Variants in WARS2 observed in about 807,000 individuals in gnomAD.
WARS2 encodes tryptophanyl tRNA synthetase 2, mitochondrial.
A neutral mutation model predicts 36.5 loss-of-function variants in WARS2; 28 were observed. The observed-to-expected ratio is 0.77, with a 90% CI of 0.57 to 1.05. The LOEUF (loss-of-function observed/expected upper bound fraction) is 1.05, where lower values mean the gene tolerates loss of function less well. WARS2 is among the 50% of genes least tolerant of loss of function. The pLI is 0.00. For synonymous variants in WARS2, 174 were observed against 178.4 expected (o/e 0.98, Z 0.20); for missense variants, 435 against 456.8 (o/e 0.95, Z 0.44).
intron 1 of WARS2, chr1:119,082,270 C>T: frequency 2.0e-6 from 2 of 985,376 alleles, no homozygotes; most frequent in South Asian, 9.4e-5. Flanking sequence ...TATTCCCCCA[C>T]AGGCTTATTT....
At chr1:119,100,553 A>G (rs1225887651) in intron 1 of WARS2, among the ~76,000 whole-genome samples, 3 of 152,246 alleles carry the variant, frequency 2.0e-5, no homozygotes, top group Non-Finnish European at 4.4e-5. Flanking sequence ...GTGTTCATCA[A>G]CAGATGAATG....
chr1:119,071,901 T>C (rs1557959863), intron 2 of WARS2, among the ~76,000 whole-genome samples: 1 of 152,198 alleles, frequency 6.6e-6, no homozygotes, highest in Non-Finnish European at 1.5e-5. Flanking sequence ...ACACCATAAA[T>C]ATATGCAATT....
chr1:119,100,923 C>A (rs55708420), intron 1 of WARS2, among the ~76,000 whole-genome samples: 9,005 of 152,178 alleles, frequency 0.059, 518 homozygotes, highest in East Asian at 0.21. Context: ...TAGGCTTGAG[C>A]CACCGTCCCT....
At chr1:119,139,036 C>T (rs1040992349) in intron 1 of WARS2, among the ~76,000 whole-genome samples, 21 of 152,028 alleles carry the variant, frequency 1.4e-4, no homozygotes, top group African/African-American at 4.6e-4. Context: ...AAGACATCTT[C>T]AATTCTTTAG....
intron 1 of WARS2, among the ~76,000 whole-genome samples, chr1:119,111,663 C>A (rs1054879354): frequency 6.6e-6 from 1 of 152,092 alleles, no homozygotes; most frequent in African/African-American, 2.4e-5. Flanking sequence ...GTAGGCTTCC[C>A]CACATGACTG....
chr1:119,107,291 CAGA>C (rs1367743815), intron 1 of WARS2, among the ~76,000 whole-genome samples: 2 of 152,084 alleles, frequency 1.3e-5, no homozygotes, highest in African/African-American at 2.4e-5. Context: ...TTTTGCAGAG[CAGA>C]AGTTTATAAT....
chr1:119,103,841 T>C (rs768447770), intron 1 of WARS2, among the ~76,000 whole-genome samples: 2 of 151,776 alleles, frequency 1.3e-5, no homozygotes, highest in Non-Finnish European at 2.9e-5. Flanking sequence ...ATTGGGATCA[T>C]ATGTTACTCT....
intron 2 of WARS2, among the ~76,000 whole-genome samples, chr1:119,051,861 G>A (rs1341416021): frequency 2.0e-5 from 3 of 146,838 alleles, no homozygotes; most frequent in African/African-American, 7.5e-5. Context: ...CCAGGCTCAA[G>A]CATTCTCCTG....
At chr1:119,135,612 A>T (rs1037798835) in intron 1 of WARS2, among the ~76,000 whole-genome samples, 2 of 152,130 alleles carry the variant, frequency 1.3e-5, no homozygotes, top group Admixed American at 6.5e-5. Context: ...AATAAGATAA[A>T]GTATGTAAAA....
intron 2 of WARS2, among the ~76,000 whole-genome samples, chr1:119,050,441 T>C (rs2101150942): frequency 6.6e-6 from 1 of 152,304 alleles, no homozygotes; most frequent in South Asian, 2.1e-4. Context: ...ATTACTCTAA[T>C]AGAACATAAG....
At chr1:119,080,337 A>G (rs1652090254) in intron 1 of WARS2, among the ~76,000 whole-genome samples, 1 of 152,200 alleles carries the variant, frequency 6.6e-6, no homozygotes, top group African/African-American at 2.4e-5. Flanking sequence ...ATTCCCCAGG[A>G]GAAATGGAGA....
chr1:119,054,730 A>C (rs1356818078), intron 2 of WARS2, among the ~76,000 whole-genome samples: 1 of 152,222 alleles, frequency 6.6e-6, no homozygotes, highest in Non-Finnish European at 1.5e-5. Context: ...AAAATTAAGA[A>C]AATTCTGACA....
At chr1:119,082,632 T>C (rs1207643169) in intron 1 of WARS2, 7 of 170,080 alleles carry the variant, frequency 4.1e-5, no homozygotes, top group African/African-American at 7.2e-5. Context: ...GCTTCAAGCA[T>C]CCCACTCCCA....
At chr1:119,057,612 A>G (rs1649943729) in intron 2 of WARS2, among the ~76,000 whole-genome samples, 1 of 151,404 alleles carries the variant, frequency 6.6e-6, no homozygotes, top group Admixed American at 6.6e-5. Context: ...CAATGTGGTG[A>G]AACCCCGTCT....
At chr1:119,066,177 A>G (rs1490667977) in intron 2 of WARS2, among the ~76,000 whole-genome samples, 1 of 152,210 alleles carries the variant, frequency 6.6e-6, no homozygotes, top group African/African-American at 2.4e-5. Flanking sequence ...GCATTTAAAA[A>G]TTAAAAGACA....
At chr1:119,124,699 T>C (rs759240309) in intron 1 of WARS2, among the ~76,000 whole-genome samples, 4 of 152,134 alleles carry the variant, frequency 2.6e-5, no homozygotes, top group Non-Finnish European at 5.9e-5. Flanking sequence ...TTTAACATGA[T>C]AACCAGAGTG....
intron 3 of WARS2, 102 bp from the exon 4 acceptor site, chr1:119,042,451 C>G (rs1363686664): frequency 5.2e-6 from 5 of 960,420 alleles, no homozygotes; most frequent in Admixed American, 3.8e-5. Context: ...AAATTGTGAT[C>G]TGAAGCCACC....
rs186343813 is a variant in WARS2 at position 119,115,167 on chromosome 1, T to A, written c.90+25388A>T. On this transcript the variant is annotated intron_variant, in intron 1 of 5. Transcript: ENST00000235521. ...TTAAATTTGGGACTTGGGGATGGGA[T>A]GAAACAATCTATGAATTAGAATCCT... Among the ~76,000 whole-genome samples, 10 of 152,290 alleles carry A rather than the reference T, an allele frequency of 6.6e-5. No homozygotes were observed. The East Asian group carries it at 1.9e-3, about 29-fold the overall frequency.
intron 1 of WARS2, among the ~76,000 whole-genome samples, chr1:119,123,951 C>T (rs377492142): frequency 6.6e-6 from 1 of 152,164 alleles, no homozygotes; most frequent in Non-Finnish European, 1.5e-5. Context: ...TATCTAACTG[C>T]CTACCTGACA....
Sources: allele counts gnomAD v4.1 joint callset (sites outside exome capture counted in the v4.1 genomes callset), GRCh38; gene constraint gnomAD v4.1.1; transcripts MANE v1.5; gene names NCBI Gene and HGNC (gene_info 2026-07-23, HGNC 2026-07-21).